Variants in LSAMP observed in about 807,000 individuals in gnomAD.
LSAMP encodes limbic system-associated membrane protein.
In LSAMP, 7 loss-of-function variants were observed where a neutral mutation model predicts 38.6. The ratio of observed to expected loss-of-function variants is 0.18; its 90% confidence interval spans 0.10 to 0.34. The LOEUF is 0.34. Among genes scored for constraint, LSAMP ranks in the 10% least tolerant of loss-of-function variants. LSAMP has a pLI of 1.00. For missense variants in LSAMP, 313 were observed against 420.0 expected, an observed-to-expected ratio of 0.75 and a Z score of 2.23; for synonymous variants, 154 against 166.8, an observed-to-expected ratio of 0.92 and a Z score of 0.59.
intron 1 of LSAMP, among the ~76,000 whole-genome samples, chr3:116,126,824 T>C (rs942988344): frequency 6.6e-6 from 1 of 152,110 alleles, no homozygotes; most frequent in African/African-American, 2.4e-5. Context: ...ATCATGCCAC[T>C]GCACTCCAGC....
At chr3:115,838,673 T>A (rs979767005) in intron 6 of LSAMP, among the ~76,000 whole-genome samples, 12 of 152,320 alleles carry the variant, frequency 7.9e-5, no homozygotes, top group African/African-American at 2.6e-4. Flanking sequence ...GAGAACTAGA[T>A]GAATGAGAAA....
intron 1 of LSAMP, among the ~76,000 whole-genome samples, chr3:116,356,240 T>G (rs1299908813): frequency 1.3e-5 from 2 of 152,218 alleles, no homozygotes; most frequent in Admixed American, 6.5e-5. Flanking sequence ...AATGGAGTAC[T>G]ATGCAGCCAT....
chr3:116,441,774 C>T (rs567832678), intron 1 of LSAMP, among the ~76,000 whole-genome samples: 3 of 152,198 alleles, frequency 2.0e-5, no homozygotes, highest in South Asian at 2.1e-4. Context: ...TGCGGATAAG[C>T]GTGTCTCACT....
intron 3 of LSAMP, among the ~76,000 whole-genome samples, chr3:115,974,815 T>A (rs1939132650): frequency 6.6e-6 from 1 of 152,060 alleles, no homozygotes; most frequent in Non-Finnish European, 1.5e-5. Context: ...GCCCTTAAGA[T>A]AAAAAGTCTA....
intron 4 of LSAMP, among the ~76,000 whole-genome samples, chr3:115,843,733 T>C (rs968961621): frequency 2.6e-5 from 4 of 152,202 alleles, no homozygotes; most frequent in Admixed American, 6.5e-5. Context: ...TTTCTACCTA[T>C]AGAAGACTGC....
chr3:116,130,964 TAAC>T (rs1309508035), intron 1 of LSAMP, among the ~76,000 whole-genome samples: 1 of 150,962 alleles, frequency 6.6e-6, no homozygotes, highest in African/African-American at 2.4e-5. Flanking sequence ...TCACTTCCGG[TAAC>T]AACTGTTTAA....
At chr3:116,399,465 T>C (rs1255477925) in intron 1 of LSAMP, among the ~76,000 whole-genome samples, 1 of 152,014 alleles carries the variant, frequency 6.6e-6, no homozygotes, top group Non-Finnish European at 1.5e-5. Flanking sequence ...TTAAGTGAAA[T>C]TGGCAGGGAC....
intron 6 of LSAMP, among the ~76,000 whole-genome samples, chr3:115,823,183 G>A (rs909876443): frequency 3.9e-5 from 6 of 152,160 alleles, no homozygotes; most frequent in African/African-American, 1.4e-4. Context: ...GAACATATGA[G>A]CCCCCACATC....
intron 6 of LSAMP, among the ~76,000 whole-genome samples, chr3:115,839,267 TTCCTTCC>T (rs1934911033): frequency 3.4e-5 from 2 of 59,144 alleles, no homozygotes; most frequent in Non-Finnish European, 6.2e-5. Flanking sequence ...CTTTCTTTCC[TTCCTTCC>T]TTCCTTCCTT....
At chr3:116,374,705 A>T (rs1333772405) in intron 1 of LSAMP, among the ~76,000 whole-genome samples, 1 of 151,898 alleles carries the variant, frequency 6.6e-6, no homozygotes, top group African/African-American at 2.4e-5. Flanking sequence ...TTTCAAAGCC[A>T]CTATAACTGT....
Position 115,841,998 on chromosome 3 carries a change from G to A in LSAMP, c.771-5C>T. ...AGGCCATTGGCACTATTTATCCTAA[G>A]AGTTCAAAAACAGAAGAATAGAAAG... On this transcript the variant is annotated splice_region_variant and splice_polypyrimidine_tract_variant and intron_variant, in intron 5 of 6. Transcript: ENST00000490035. 1 of 1,606,626 alleles carries A rather than the reference G, an allele frequency of 6.2e-7. No homozygotes were observed.
At chr3:116,032,326 G>A (rs1012891238) in intron 2 of LSAMP, among the ~76,000 whole-genome samples, 3 of 152,058 alleles carry the variant, frequency 2.0e-5, no homozygotes, top group Non-Finnish European at 2.9e-5. Flanking sequence ...CCACATGCCC[G>A]TGTGATAGCT....
intron 1 of LSAMP, among the ~76,000 whole-genome samples, chr3:116,317,505 G>A (rs993013116): frequency 2.0e-4 from 31 of 152,028 alleles, no homozygotes; most frequent in African/African-American, 6.5e-4. Context: ...ACAGGCGCCC[G>A]CCACCACGTC....
chr3:115,848,828 C>A (rs1935241379), intron 4 of LSAMP, among the ~76,000 whole-genome samples: 1 of 152,138 alleles, frequency 6.6e-6, no homozygotes, highest in Non-Finnish European at 1.5e-5. Context: ...GGGGCGGGGA[C>A]AGGCTTGAGA....
chr3:116,347,228 A>G (rs1366109441), intron 1 of LSAMP, among the ~76,000 whole-genome samples: 1 of 152,210 alleles, frequency 6.6e-6, no homozygotes, highest in Non-Finnish European at 1.5e-5. Context: ...TCTTTATGAC[A>G]GGAGCTTTGA....
chr3:115,838,890 GA>G (rs1274422469), intron 6 of LSAMP, among the ~76,000 whole-genome samples: 1 of 152,160 alleles, frequency 6.6e-6, no homozygotes, highest in African/African-American at 2.4e-5. Context: ...ACACACCAAT[GA>G]AGATGAATAA....
chr3:116,203,192 T>G (rs2046011676), intron 1 of LSAMP, among the ~76,000 whole-genome samples: 1 of 152,228 alleles, frequency 6.6e-6, no homozygotes, highest in Non-Finnish European at 1.5e-5. Context: ...ACGTTTGTCT[T>G]ATTCCTGATA....
rs186922537 is a variant in LSAMP, at chr3:115,873,195, C to T, written c.515-20578G>A. ...GACCAGCCTGGCCAACATGACGAAACGCTGTCTCTACCAAAAATACAAAAA... is the reference window on the plus strand; with the variant it reads ...GACCAGCCTGGCCAACATGACGAAATGCTGTCTCTACCAAAAATACAAAAA... On this transcript the variant is annotated intron_variant, in intron 3 of 6. Coordinates refer to ENST00000490035, the MANE Select transcript of LSAMP (RefSeq NM_002338.5). Among the ~76,000 whole-genome samples the T allele has an allele frequency of 2.4e-4, 37 of 151,978 alleles. No individual in the cohort carries two copies. The East Asian group carries it at 3.5e-3, about 14-fold the overall frequency.
At chr3:115,842,296 C>T (rs2107504943) in intron 5 of LSAMP, among the ~76,000 whole-genome samples, 162 bp downstream of exon 5, 1 of 152,314 alleles carries the variant, frequency 6.6e-6, no homozygotes, top group East Asian at 1.9e-4. Flanking sequence ...AGCTTAAGAG[C>T]TACAGGCCCC....
Sources: gnomAD v4.1 joint callset for allele counts (sites outside exome capture counted in the v4.1 genomes callset) on GRCh38, gnomAD v4.1.1 for gene constraint, MANE v1.5 for transcripts, NCBI Gene and HGNC (gene_info 2026-07-23, HGNC 2026-07-21) for gene names.